The following PCDHGA9 variants were observed in gnomAD, a reference collection of about 807,000 sequenced individuals.
The protein encoded by PCDHGA9 is protocadherin gamma-A9.
PCDHGA9 carries 37 observed loss-of-function variants against 62.5 expected under a neutral mutation model. The ratio of observed to expected loss-of-function variants is 0.59; its 90% CI spans 0.46 to 0.78. The LOEUF is 0.78. PCDHGA9 is among the 30% of genes least tolerant of loss of function. PCDHGA9 has a pLI of 0.00. For synonymous variants in PCDHGA9, 459 were observed against 484.6 expected, an observed-to-expected ratio of 0.95 and a Z score of 0.69; for missense variants, 1,138 against 1,166.2, an observed-to-expected ratio of 0.98 and a Z score of 0.35.
At chr5:141,409,464 C>T in intron 1 of PCDHGA9, 1 of 1,613,940 alleles carries the variant, frequency 6.2e-7, no homozygotes, top group East Asian at 2.2e-5. Context: ...TACAATGTCA[C>T]CATCGTAGCC....
intron 2 of PCDHGA9, 58 bp downstream of exon 2, chr5:141,494,923 G>T: frequency 6.2e-7 from 1 of 1,613,698 alleles, no homozygotes; most frequent in Non-Finnish European, 8.5e-7. Context: ...CAGGGATGAC[G>T]TGGGAGGAGA....
At chr5:141,408,455 C>A in intron 1 of PCDHGA9, 1 of 1,614,050 alleles carries the variant, frequency 6.2e-7, no homozygotes, top group South Asian at 1.1e-5. Flanking sequence ...CGGGGACTTA[C>A]TTGTGAAGAA....
chr5:141,495,465 G>T (rs563411010), intron 2 of PCDHGA9, among the ~76,000 whole-genome samples: 11 of 152,298 alleles, frequency 7.2e-5, no homozygotes, highest in African/African-American at 2.4e-4. Flanking sequence ...TGTCTGTGGG[G>T]TCTCCGTGTC....
intron 1 of PCDHGA9, among the ~76,000 whole-genome samples, chr5:141,483,015 G>A (rs916071219): frequency 2.0e-5 from 3 of 152,044 alleles, no homozygotes; most frequent in African/African-American, 7.2e-5. Context: ...AACCCGGGAG[G>A]CAGAGGTTGC....
At chr5:141,415,394 C>A (rs893251079) in intron 1 of PCDHGA9, 29 of 1,614,110 alleles carry the variant, frequency 1.8e-5, no homozygotes, top group Non-Finnish European at 2.3e-5. Context: ...ACAGGTGTGT[C>A]CGGCTCGCAC....
chr5:141,486,012 A>C lies in PCDHGA9; in HGVS notation c.2425-8795A>C. The C allele has an allele frequency of 1.9e-6, 3 of 1,614,064 alleles. No homozygotes were observed. The highest frequency in any genetic ancestry group is 2.5e-6 in the Non-Finnish European group (3 of 1,179,984). On this transcript the variant is annotated intron_variant, in intron 1 of 3. Coordinates refer to ENST00000573521, the MANE Select transcript of PCDHGA9 (RefSeq NM_018921.3). The surrounding 1 kb of genome is among the most constrained non-coding windows in gnomAD (Gnocchi z 5.0). ...GGTCCCAGTGGTAACGTCACCTTTT[A>C]TTTCAGTGGTCATACCCCTGATCGT...
At chr5:141,409,464 C>A in intron 1 of PCDHGA9, 1 of 1,613,940 alleles carries the variant, frequency 6.2e-7, no homozygotes, top group South Asian at 1.1e-5. Context: ...TACAATGTCA[C>A]CATCGTAGCC....
intron 1 of PCDHGA9, among the ~76,000 whole-genome samples, chr5:141,461,181 A>T (rs1322465700): frequency 1.3e-5 from 2 of 152,104 alleles, no homozygotes; most frequent in Non-Finnish European, 2.9e-5. Flanking sequence ...ATTGAATGGT[A>T]GATCTGTTTT....
At chr5:141,405,575 G>C in intron 1 of PCDHGA9, 199 bp downstream of exon 1, 1 of 598,040 alleles carries the variant, frequency 1.7e-6, no homozygotes. Flanking sequence ...GAGTAGAGTA[G>C]CTGGGACTAC....
At chr5:141,414,890 C>T in intron 1 of PCDHGA9, 5 of 1,614,232 alleles carry the variant, frequency 3.1e-6, no homozygotes, top group Non-Finnish European at 4.2e-6. Context: ...CCCGCCCTCC[C>T]CACAGACGGT....
intron 1 of PCDHGA9, chr5:141,418,409 G>A (rs2096254230): frequency 6.2e-7 from 1 of 1,613,792 alleles, no homozygotes; most frequent in African/African-American, 1.3e-5. Context: ...GGTGGAGAAA[G>A]ACAATCCTGA....
chr5:141,462,423 G>A (rs1367388191), intron 1 of PCDHGA9, among the ~76,000 whole-genome samples: 1 of 151,820 alleles, frequency 6.6e-6, no homozygotes, highest in East Asian at 1.9e-4. Context: ...GTCTATCTTG[G>A]TGAGTGTTGC....
At chr5:141,497,776 C>A (rs1384125562) in intron 2 of PCDHGA9, among the ~76,000 whole-genome samples, 2 of 152,170 alleles carry the variant, frequency 1.3e-5, no homozygotes. Flanking sequence ...CCGACCTCAA[C>A]TGATCCACCT....
chr5:141,421,850 C>T, intron 1 of PCDHGA9: 1 of 1,613,752 alleles, frequency 6.2e-7, no homozygotes, highest in Non-Finnish European at 8.5e-7. Context: ...AAAGAGGCTG[C>T]TCACCTGCTC....
chr5:141,419,123 A>G (rs2096330317), intron 1 of PCDHGA9: 1 of 1,613,766 alleles, frequency 6.2e-7, no homozygotes, highest in African/African-American at 1.3e-5. Context: ...CAACGTCACC[A>G]TCGCAGCCAC....
chr5:141,425,576 G>A (rs2096883993), intron 1 of PCDHGA9, among the ~76,000 whole-genome samples: 1 of 152,166 alleles, frequency 6.6e-6, no homozygotes, highest in Non-Finnish European at 1.5e-5. Flanking sequence ...GAAGGGTTTG[G>A]CTAACTTTAT....
At chr5:141,413,702 T>G (rs1448671585) in intron 1 of PCDHGA9, 4 of 1,613,606 alleles carry the variant, frequency 2.5e-6, no homozygotes, top group Non-Finnish European at 3.4e-6. Flanking sequence ...AGCTATCAGC[T>G]CAGCCCCAAT....
intron 1 of PCDHGA9, chr5:141,415,947 C>G: frequency 1.9e-6 from 1 of 532,382 alleles, no homozygotes; most frequent in Non-Finnish European, 2.8e-6. Flanking sequence ...CCTGGGTGGT[C>G]ACATATTGAA....
At chr5:141,480,298 C>G (rs1238380283) in intron 1 of PCDHGA9, among the ~76,000 whole-genome samples, 1 of 132,676 alleles carries the variant, frequency 7.5e-6, no homozygotes, top group Non-Finnish European at 1.6e-5. Flanking sequence ...ACCTGTGGTA[C>G]CAGCTACTTG....
Sources: gnomAD v4.1 joint callset for allele counts (sites outside exome capture counted in the v4.1 genomes callset) on GRCh38, gnomAD v4.1.1 for gene constraint, Gnocchi (gnomAD v3.1) non-coding constraint, MANE v1.5 for transcripts, NCBI Gene and HGNC (gene_info 2026-07-23, HGNC 2026-07-21) for gene names.